MSH3: variants seen among roughly 807,000 people sequenced by gnomAD.
MSH3 encodes the protein mutS homolog 3, also known as DNA mismatch repair protein Msh3.
A neutral mutation model predicts 123.3 loss-of-function variants in MSH3; 106 were observed. The observed-to-expected ratio is 0.86, with a 90% CI of 0.73 to 1.01. The LOEUF (loss-of-function observed/expected upper bound fraction) is 1.01. Among genes scored for constraint, MSH3 ranks in the 50% least tolerant of loss-of-function variants. The probability of loss-of-function intolerance (pLI) is 0.00; values close to 1 mark genes in which losing one functional copy is unlikely to be tolerated. For missense variants in MSH3, 1,459 were observed against 1,347.6 expected (o/e 1.08, Z -1.29); for synonymous variants, 515 against 481.4 (o/e 1.07, Z -0.91).
chr5:80,867,675 AT>A (rs1276528373), intron 22 of MSH3, among the ~76,000 whole-genome samples: 3 of 152,076 alleles, frequency 2.0e-5, no homozygotes, highest in Non-Finnish European at 4.4e-5. Context: ...AAGTTTTGAG[AT>A]TTTTCATGAA....
chr5:80,658,855 T>G (rs1431585145), intron 2 of MSH3, among the ~76,000 whole-genome samples: 1 of 152,198 alleles, frequency 6.6e-6, no homozygotes, highest in Non-Finnish European at 1.5e-5. Flanking sequence ...GCCTCAGCCC[T>G]TCAGTAGCTG....
At chr5:80,780,844 G>A (rs1561476295) in intron 17 of MSH3, among the ~76,000 whole-genome samples, 1 of 152,094 alleles carries the variant, frequency 6.6e-6, no homozygotes, top group Non-Finnish European at 1.5e-5. Flanking sequence ...CTCCAGCCTG[G>A]GCAACAGAGC....
rs1428253473 is a variant in MSH3 at position 80,670,191 on chromosome 5, C to A, written c.674C>A (p.Ser225Tyr). The part of the protein sequence containing the change: ...KTASKSANKR[S>Y]KSIYTPLELQ... ...GCTTCCAAATCAGCTAACAAACGGT[C>A]CAAAAGCATCTATACGCCGCTAGAA... Residue 225 changes from serine to tyrosine, a missense_variant, in exon 4 of 24, where the codon TCC becomes TAC. Transcript: ENST00000265081. 6.2e-7 allele frequency: 1 copy of A among 1,614,050 alleles called. No individual in the cohort carries two copies. Among genetic ancestry groups the A allele is most frequent in the African/African-American group, 1.3e-5 (1 of 75,010 alleles).
intron 19 of MSH3, among the ~76,000 whole-genome samples, chr5:80,793,408 G>A (rs372345003): frequency 1.2e-4 from 18 of 152,200 alleles, no homozygotes; most frequent in African/African-American, 4.3e-4. Context: ...CCCTCACAGA[G>A]CTTGTTGTAT....
chr5:80,725,030 C>T (rs561349208), intron 8 of MSH3, among the ~76,000 whole-genome samples: 13 of 151,860 alleles, frequency 8.6e-5, no homozygotes, highest in African/African-American at 3.1e-4. Context: ...CTGGCTAACA[C>T]GGTGAAACCC....
chr5:80,806,405 A>T (rs1485460922), intron 19 of MSH3, among the ~76,000 whole-genome samples: 1 of 152,194 alleles, frequency 6.6e-6, no homozygotes. Flanking sequence ...CCCAGAATTT[A>T]TTTTTATACA....
Position 80,794,610 on chromosome 5 carries a change from G to T in MSH3, c.2655+1766G>T, listed in dbSNP as rs544675807. On this transcript the variant is annotated intron_variant, in intron 19 of 23. Coordinates refer to ENST00000265081, the MANE Select transcript of MSH3 (RefSeq NM_002439.5). ...AGATATCAAATGTGCTGTTTTTCTGGTTGATGGCAAGATCTTATGTATGGC... is the reference window on the plus strand; with the variant it reads ...AGATATCAAATGTGCTGTTTTTCTGTTTGATGGCAAGATCTTATGTATGGC... Among the ~76,000 whole-genome samples the T allele has an allele frequency of 3.3e-5, 5 of 152,260 alleles. No homozygotes were observed. The South Asian group carries it at 1.0e-3, about 32-fold the overall frequency.
At chr5:80,820,157 C>T (rs1471690662) in intron 20 of MSH3, among the ~76,000 whole-genome samples, 1 of 152,162 alleles carries the variant, frequency 6.6e-6, no homozygotes, top group Admixed American at 6.5e-5. Flanking sequence ...TAAAATGGAG[C>T]CATGACTGAG....
In MSH3 at chr5:80,744,592, G is replaced by A. The variant is rs761519361; in HGVS notation, c.1740G>A (p.Val580=). The change falls in exon 12 of 24, where the codon GTG becomes GTA. Residue 580 remains valine (V), a synonymous_variant. Coordinates refer to ENST00000265081, the MANE Select transcript of MSH3 (RefSeq NM_002439.5). ...GGAGACGGAAGTTAAAGAAGTGGGT[G>A]ACCCAGCCACTCCTTAAATTAAGGT... The part of the protein sequence containing the change: ...SFGRRKLKKW[V]TQPLLKLREI... 1.2e-6 allele frequency: 2 copies of A among 1,612,978 alleles called. No homozygotes were observed. Among genetic ancestry groups the A allele is most frequent in the East Asian group, 2.2e-5 (1 of 44,834 alleles).
At chr5:80,839,142 G>A (rs553567647) in intron 20 of MSH3, among the ~76,000 whole-genome samples, 13 of 152,220 alleles carry the variant, frequency 8.5e-5, no homozygotes, top group African/African-American at 2.2e-4. Context: ...TGAGGCAGGC[G>A]GATCACTTGA....
intron 20 of MSH3, among the ~76,000 whole-genome samples, chr5:80,836,541 C>T (rs947180556): frequency 1.5e-4 from 4 of 27,158 alleles, no homozygotes; most frequent in African/African-American, 7.5e-4. Context: ...TTGAATATGC[C>T]ACAAAAAAAA....
intron 19 of MSH3, among the ~76,000 whole-genome samples, chr5:80,808,087 A>G (rs1426488106): frequency 6.6e-6 from 1 of 152,178 alleles, no homozygotes; most frequent in African/African-American, 2.4e-5. Context: ...TTAATTACTA[A>G]GTACTTTTTG....
At chr5:80,857,723 G>A (rs1006175765) in intron 21 of MSH3, among the ~76,000 whole-genome samples, 1 of 152,156 alleles carries the variant, frequency 6.6e-6, no homozygotes, top group Non-Finnish European at 1.5e-5. Flanking sequence ...TTTGTCCACG[G>A]CATCCGTAGT....
intron 19 of MSH3, 79 bp from the exon 20 acceptor site, chr5:80,813,505 T>C (rs1745044610): frequency 6.9e-7 from 1 of 1,445,588 alleles, no homozygotes; most frequent in East Asian, 2.3e-5. Context: ...GCCTAATGCA[T>C]TTCCACTTAT....
chr5:80,662,335 A>G (rs1396595866), intron 2 of MSH3, among the ~76,000 whole-genome samples: 3 of 152,154 alleles, frequency 2.0e-5, no homozygotes, highest in African/African-American at 4.8e-5. Flanking sequence ...CTAATGACAC[A>G]TTCTTCATAA....
At chr5:80,812,331 T>G (rs1309090457) in intron 19 of MSH3, among the ~76,000 whole-genome samples, 1 of 152,196 alleles carries the variant, frequency 6.6e-6, no homozygotes, top group Non-Finnish European at 1.5e-5. Flanking sequence ...TTTGTCTATC[T>G]TTTCTTCCTT....
At chr5:80,689,124 G>A (rs1256261221) in intron 8 of MSH3, among the ~76,000 whole-genome samples, 1 of 152,174 alleles carries the variant, frequency 6.6e-6, no homozygotes, top group Non-Finnish European at 1.5e-5. Context: ...CGAGTTGACT[G>A]GAGTGTTAGG....
chr5:80,687,097 G>A (rs1461434753), intron 8 of MSH3, among the ~76,000 whole-genome samples: 2 of 152,084 alleles, frequency 1.3e-5, no homozygotes, highest in African/African-American at 2.4e-5. Flanking sequence ...TATTAGAGAT[G>A]ATAGTAATCT....
At chr5:80,832,758 A>G (rs972126458) in intron 20 of MSH3, among the ~76,000 whole-genome samples, 10 of 151,940 alleles carry the variant, frequency 6.6e-5, no homozygotes, top group Admixed American at 6.5e-4. Flanking sequence ...TAATTTTTAA[A>G]AGCACTTGAA....
Sources: allele counts gnomAD v4.1 joint callset (sites outside exome capture counted in the v4.1 genomes callset), GRCh38; gene constraint gnomAD v4.1.1; transcripts MANE v1.5; gene names NCBI Gene and HGNC (gene_info 2026-07-23, HGNC 2026-07-21).